GLG1: variants seen among roughly 807,000 people sequenced by gnomAD.
GLG1 encodes the protein Golgi apparatus protein 1.
In GLG1, 38 loss-of-function variants were observed where a neutral mutation model predicts 160.5. That is an observed-to-expected ratio of 0.24 (90% CI 0.18 to 0.31). The LOEUF (loss-of-function observed/expected upper bound fraction) is 0.31. GLG1 is among the 10% of genes least tolerant of loss of function. GLG1 has a pLI of 1.00. For missense variants in GLG1, 1,373 were observed against 1,505.2 expected (o/e 0.91, Z 1.45); for synonymous variants, 644 against 543.4 (o/e 1.19, Z -2.57).
intron 18 of GLG1, 62 bp downstream of exon 18, chr16:74,467,694 G>A: frequency 8.6e-7 from 1 of 1,165,110 alleles, no homozygotes; most frequent in Non-Finnish European, 1.3e-6. Context: ...TAGCTTTTGA[G>A]AAAACATTAA....
chr16:74,490,928 G>A, intron 8 of GLG1, 73 bp downstream of exon 8: 1 of 1,007,510 alleles, frequency 9.9e-7, no homozygotes, highest in Non-Finnish European at 1.6e-6. Context: ...AAAGCAAGGT[G>A]GGACAGCATC....
At chr16:74,512,357 G>A (rs2868040) in intron 2 of GLG1, among the ~76,000 whole-genome samples, 143,959 of 150,960 alleles carry the variant, frequency 0.95, 68,952 homozygotes, top group Non-Finnish European at 1. Context: ...TCCGCCCCCC[G>A]GGTTCAAGCA....
chr16:74,568,374 C>T (rs2018719361), intron 1 of GLG1, among the ~76,000 whole-genome samples: 1 of 150,380 alleles, frequency 6.6e-6, no homozygotes, highest in South Asian at 2.1e-4. Context: ...TTACTTAAAT[C>T]TCACTCTGAT....
At chr16:74,574,194 T>G (rs557109042) in intron 1 of GLG1, among the ~76,000 whole-genome samples, 1 of 152,362 alleles carries the variant, frequency 6.6e-6, no homozygotes, top group South Asian at 2.1e-4. Flanking sequence ...ACAATTACTA[T>G]GTAATTTCTA....
At chr16:74,461,840 T>G in intron 22 of GLG1, 1 of 342,948 alleles carries the variant, frequency 2.9e-6, no homozygotes, top group Non-Finnish European at 5.2e-6. Flanking sequence ...AAGAACAAAT[T>G]TACAGAGAGC....
At chr16:74,480,064 T>C (rs918782) in intron 11 of GLG1, among the ~76,000 whole-genome samples, 177 bp downstream of exon 11, 40,456 of 152,060 alleles carry the variant, frequency 0.27, 5,790 homozygotes, top group Middle Eastern at 0.35. Flanking sequence ...TAGAAGCTGG[T>C]AGGGCAACTC....
chr16:74,545,418 G>A (rs947319213), intron 1 of GLG1, among the ~76,000 whole-genome samples: 13 of 151,532 alleles, frequency 8.6e-5, no homozygotes, highest in Non-Finnish European at 1.9e-4. Flanking sequence ...TAGGCTCAAG[G>A]GATCCACACA....
Position 74,452,513 on chromosome 16 carries a change from T to G in GLG1, c.*654A>C. 7.8e-6 allele frequency: 8 copies of G among 1,021,530 alleles called. No homozygotes were observed. Among genetic ancestry groups the G allele is most frequent in the Non-Finnish European group, 9.4e-6 (8 of 850,798 alleles). 63.3% of individuals were successfully genotyped at this position (1,021,530 alleles called of 1,614,324 possible). On this transcript the variant is annotated 3_prime_UTR_variant, in exon 26 of 26. Transcript: ENST00000422840. ...ATGGCTGTGGGGCTGTGACCAGCAG[T>G]GGCTGATTAGGGTGGAAACTGGAAA...
At position 74,510,025 on chromosome 16, in the gene GLG1, G is replaced by C. The variant is rs973291206; in HGVS notation, c.472-1100C>G. ...AAAACACTTGACACATACACTATAA[G>C]GTCTACTTTTTTTTTTTTTTTTTGA... is the stretch of plus-strand genomic sequence containing the variant. On this transcript the variant is annotated intron_variant, in intron 2 of 25. Coordinates refer to ENST00000422840, the MANE Select transcript of GLG1 (RefSeq NM_001145667.2). Among the ~76,000 whole-genome samples the C allele has an allele frequency of 1.1e-4, 12 of 110,512 alleles. 2 individuals are homozygous for C. 72.5% of individuals were successfully genotyped at this position (110,512 alleles called of 152,430 possible). A position where few individuals can be genotyped will look rare whatever the true frequency, so the allele number is the denominator to read the frequency against.
chr16:74,528,534 A>G (rs1483597530), intron 2 of GLG1, among the ~76,000 whole-genome samples: 1 of 151,898 alleles, frequency 6.6e-6, no homozygotes, highest in East Asian at 1.9e-4. Context: ...TGTCTAGGCT[A>G]GGTGTGGTGG....
chr16:74,606,023 GGCAAGATCCCATA>G (rs1209267263), intron 1 of GLG1, among the ~76,000 whole-genome samples: 2 of 152,140 alleles, frequency 1.3e-5, no homozygotes, highest in Non-Finnish European at 2.9e-5. Flanking sequence ...ACCTCAGAAA[GGCAAGATCCCATA>G]ACCCAGTCAC....
At chr16:74,564,813 T>A (rs1025468246) in intron 1 of GLG1, among the ~76,000 whole-genome samples, 1 of 152,148 alleles carries the variant, frequency 6.6e-6, no homozygotes, top group Non-Finnish European at 1.5e-5. Context: ...AATTGAAACT[T>A]TAAGGAAGCA....
rs11865656 is a variant in GLG1, at chr16:74,515,195, T to C, written c.472-6270A>G. On this transcript the variant is annotated intron_variant, in intron 2 of 25. Coordinates refer to ENST00000422840, the MANE Select transcript of GLG1 (RefSeq NM_001145667.2). ...GACTTAGACTCTCACACAATAATAA[T>C]GGGAGACTTTAACACCCCACCATCA... Among the ~76,000 whole-genome samples the C allele has an allele frequency of 7.4e-3, 1,132 of 152,228 alleles. 14 individuals carry two copies. The highest frequency in any genetic ancestry group is 0.026 in the African/African-American group (1,075 of 41,540).
At chr16:74,486,420 A>C (rs899614131) in intron 8 of GLG1, among the ~76,000 whole-genome samples, 2 of 152,270 alleles carry the variant, frequency 1.3e-5, no homozygotes, top group Non-Finnish European at 2.9e-5. Flanking sequence ...TTTAACTTGC[A>C]GAAATATCAA....
chr16:74,594,197 G>A (rs1360350158), intron 1 of GLG1, among the ~76,000 whole-genome samples: 2 of 152,156 alleles, frequency 1.3e-5, no homozygotes, highest in African/African-American at 2.4e-5. Flanking sequence ...GTGAGCCACT[G>A]CGCCCAGCCT....
At chr16:74,589,090 C>G (rs111655617) in intron 1 of GLG1, among the ~76,000 whole-genome samples, 2 of 151,514 alleles carry the variant, frequency 1.3e-5, no homozygotes, top group Non-Finnish European at 2.9e-5. Context: ...AAAAGAACAA[C>G]AACAACAACA....
At chr16:74,595,867 T>C (rs1007031978) in intron 1 of GLG1, among the ~76,000 whole-genome samples, 12 of 152,238 alleles carry the variant, frequency 7.9e-5, no homozygotes. Context: ...CTCACGCTTG[T>C]AATCCCAGCA....
intron 2 of GLG1, among the ~76,000 whole-genome samples, chr16:74,515,977 A>G (rs901799582): frequency 2.0e-5 from 3 of 151,482 alleles, no homozygotes; most frequent in Non-Finnish European, 2.9e-5. Flanking sequence ...CATAACGGTA[A>G]AGGGATCAAT....
chr16:74,462,950 T>A, intron 20 of GLG1: 1 of 418,874 alleles, frequency 2.4e-6, no homozygotes. Flanking sequence ...TTGAGAACAC[T>A]GAAAAAGAAA....
Sources: gnomAD v4.1 joint callset for allele counts (sites outside exome capture counted in the v4.1 genomes callset) on GRCh38, gnomAD v4.1.1 for gene constraint, MANE v1.5 for transcripts, NCBI Gene and HGNC (gene_info 2026-07-23, HGNC 2026-07-21) for gene names.